TPO: variants seen among roughly 807,000 people sequenced by gnomAD.
TPO encodes the protein thyroid microsomal antigen.
A neutral mutation model predicts 96.9 loss-of-function variants in TPO; 78 were observed. The observed-to-expected ratio is 0.81, with a 90% CI of 0.67 to 0.97. TPO has a LOEUF of 0.97. TPO is among the 50% of genes least tolerant of loss of function. The pLI is 0.00. For missense variants in TPO, 1,252 were observed against 1,274.8 expected, an observed-to-expected ratio of 0.98 and a Z score of 0.27; for synonymous variants, 547 against 538.0, an observed-to-expected ratio of 1.02 and a Z score of -0.23.
intron 1 of TPO, among the ~76,000 whole-genome samples, chr2:1,404,572 C>T (rs1662219942): frequency 1.3e-5 from 2 of 152,308 alleles, no homozygotes; most frequent in East Asian, 1.9e-4. Context: ...GACACAGACA[C>T]ACACAGAGGG....
chr2:1,375,654 C>T (rs1229273686), intron 1 of TPO, among the ~76,000 whole-genome samples: 1 of 152,066 alleles, frequency 6.6e-6, no homozygotes, highest in African/African-American at 2.4e-5. Flanking sequence ...TTTTGTGTGA[C>T]GCGGGTCCCA....
chr2:1,537,436 A>C (rs1372295668), intron 15 of TPO, among the ~76,000 whole-genome samples: 5 of 138,200 alleles, frequency 3.6e-5, no homozygotes, highest in Admixed American at 7.2e-5. Flanking sequence ...CATTGTGTGC[A>C]AACTCCCAAA....
chr2:1,417,018 G>C (rs1007339165), intron 2 of TPO, among the ~76,000 whole-genome samples: 15 of 152,206 alleles, frequency 9.9e-5, no homozygotes, highest in African/African-American at 3.6e-4. Context: ...CCATTTTATA[G>C]ATCAAAACGT....
intron 1 of TPO, among the ~76,000 whole-genome samples, chr2:1,388,861 G>T (rs576083258): frequency 6.6e-6 from 1 of 152,088 alleles, no homozygotes; most frequent in Non-Finnish European, 1.5e-5. Context: ...ACTGCCCGAC[G>T]TTAATCATCT....
Position 1,506,658 on chromosome 2 carries a change from G to GT in TPO, c.2518+2585dup, listed in dbSNP as rs1673500065. Among the ~76,000 whole-genome samples, 6 of 152,252 alleles carry GT rather than the reference G, an allele frequency of 3.9e-5. No homozygotes were observed. In the South Asian group the frequency reaches 1.0e-3, roughly 26 times the overall value. On this transcript the variant is annotated intron_variant, in intron 14 of 16. Coordinates refer to ENST00000329066, the MANE Select transcript of TPO (RefSeq NM_001206744.2). ...AGTGATGGTGAGCATTTTTTCATGTGTTTTTTGGCTGCATAAATGTCTTCT... is the reference window on the plus strand; with the variant it reads ...AGTGATGGTGAGCATTTTTTCATGTGTTTTTTTGGCTGCATAAATGTCTTCT...
intron 15 of TPO, among the ~76,000 whole-genome samples, chr2:1,529,863 G>C (rs1211371985): frequency 1.0e-3 from 6 of 5,922 alleles, no homozygotes; most frequent in African/African-American, 1.6e-3. Flanking sequence ...TCCCAAAATT[G>C]CCCCCACTGT....
intron 8 of TPO, among the ~76,000 whole-genome samples, chr2:1,484,165 G>A (rs1358306036): frequency 6.6e-6 from 1 of 152,158 alleles, no homozygotes; most frequent in Admixed American, 6.5e-5. Flanking sequence ...ATTTTCCATC[G>A]ACAGAGCTCT....
chr2:1,460,530 T>G (rs886527768), intron 7 of TPO, among the ~76,000 whole-genome samples: 1 of 152,116 alleles, frequency 6.6e-6, no homozygotes, highest in African/African-American at 2.4e-5. Context: ...AAGAGTATAT[T>G]TCCCAGGCTG....
In TPO at chr2:1,496,067, C is replaced by T. The variant is rs764783092; in HGVS notation, c.2085C>T (p.Ile695=). ...AGAAGCACTCCCTGTCTCGGGTCAT[C>T]TGTGACAACACTGGCCTCACCAGGG... ...ELEKHSLSRV[I]CDNTGLTRVP... is the part of the protein sequence containing the mutation. Residue 695 remains isoleucine (I), a synonymous_variant, in exon 12 of 17, where the codon ATC becomes ATT. Coordinates refer to ENST00000329066, the MANE Select transcript of TPO (RefSeq NM_001206744.2). The T allele has an allele frequency of 6.2e-7, 1 of 1,614,078 alleles. No homozygotes were observed. Among genetic ancestry groups the T allele is most frequent in the East Asian group, 2.2e-5 (1 of 44,880 alleles).
At chr2:1,527,921 A>AGCAACCTCCTCAAATCCTCCCACTATGT (rs1677000626) in intron 15 of TPO, among the ~76,000 whole-genome samples, 1 of 23,872 alleles carries the variant, frequency 4.2e-5, no homozygotes, top group Admixed American at 6.8e-4. Context: ...CCCCAATGTG[A>AGCAACCTCCTCAAATCCTCCCACTATGT]GCAACCTCCT....
intron 1 of TPO, among the ~76,000 whole-genome samples, chr2:1,380,322 A>T (rs1431666854): frequency 6.7e-6 from 1 of 149,258 alleles, no homozygotes; most frequent in Non-Finnish European, 1.5e-5. Flanking sequence ...TGAACCCGGG[A>T]GGCAGAGCTT....
chr2:1,537,855 AATCTCAAATCCCCCCCACTGTGT>A (rs1680196983), intron 15 of TPO, among the ~76,000 whole-genome samples: 7 of 25,816 alleles, frequency 2.7e-4, no homozygotes, highest in South Asian at 2.5e-3. Context: ...CACTGTGTGC[AATCTCAAATCCCCCCCACTGTGT>A]GCAACCTCCT....
intron 5 of TPO, among the ~76,000 whole-genome samples, chr2:1,448,496 T>C (rs138383015): frequency 6.6e-6 from 1 of 152,230 alleles, no homozygotes; most frequent in Non-Finnish European, 1.5e-5. Flanking sequence ...CTCGCAGGGT[T>C]GTTTCTGGTT....
At chr2:1,503,145 T>C (rs1341353816) in intron 13 of TPO, among the ~76,000 whole-genome samples, 1 of 152,158 alleles carries the variant, frequency 6.6e-6, no homozygotes, top group African/African-American at 2.4e-5. Context: ...GTGCTTTTGC[T>C]CTGTCTAGGG....
chr2:1,377,410 G>C (rs117587293), intron 1 of TPO, among the ~76,000 whole-genome samples: 1 of 152,192 alleles, frequency 6.6e-6, no homozygotes, highest in Non-Finnish European at 1.5e-5. Context: ...AGTTAGCCTC[G>C]AGGAGATTCT....
intron 1 of TPO, among the ~76,000 whole-genome samples, chr2:1,379,304 C>T (rs1167710105): frequency 6.6e-6 from 1 of 152,054 alleles, no homozygotes; most frequent in Admixed American, 6.5e-5. Flanking sequence ...GAATCTGTCT[C>T]AAAAAAATGA....
rs571292330 is a variant in TPO at position 1,511,019 on chromosome 2, C to T, written c.2519-5864C>T. ...GATATAAAAGAATAGATTTAGATTT[C>T]GGTACAGCTCTCCCTACATAAGTTT... On this transcript the variant is annotated intron_variant, in intron 14 of 16. Coordinates refer to ENST00000329066, the MANE Select transcript of TPO (RefSeq NM_001206744.2). 4.6e-5 allele frequency among the ~76,000 whole-genome samples: 7 copies of T among 152,322 alleles called. No homozygotes were observed. In the East Asian group the frequency reaches 9.6e-4, roughly 21 times the overall value.
Position 1,536,066 on chromosome 2 carries a change from C to G in TPO, c.2619-4528C>G, listed in dbSNP as rs533237396. On this transcript the variant is annotated intron_variant, in intron 15 of 16. Coordinates refer to ENST00000329066, the MANE Select transcript of TPO (RefSeq NM_001206744.2). ...CTCAAATCCCCCCACTGTGTGCAAC[C>G]TTCCCAAATCCCCCCACTGTGTGCA... 9.9e-4 allele frequency among the ~76,000 whole-genome samples: 44 copies of G among 44,596 alleles called. 3 individuals are homozygous for G. Among genetic ancestry groups the G allele is most frequent in the African/African-American group, 3.6e-3 (42 of 11,566 alleles). The allele number at this position is 44,596 out of a possible 152,430, so 29.3% of individuals were successfully genotyped here. A position where few individuals can be genotyped will look rare whatever the true frequency, so the allele number is the denominator to read the frequency against.
At chr2:1,461,859 A>T (rs534117698) in intron 7 of TPO, among the ~76,000 whole-genome samples, 2 of 152,074 alleles carry the variant, frequency 1.3e-5, no homozygotes, top group East Asian at 3.9e-4. Context: ...GGACGAGGGC[A>T]GGGGGGGCCG....
Sources: gnomAD v4.1 joint callset for allele counts (sites outside exome capture counted in the v4.1 genomes callset) on GRCh38, gnomAD v4.1.1 for gene constraint, MANE v1.5 for transcripts, NCBI Gene and HGNC (gene_info 2026-07-23, HGNC 2026-07-21) for gene names.